ELFN1: variants seen among roughly 807,000 people sequenced by gnomAD.
The protein encoded by ELFN1 is protein ELFN1.
Under a neutral mutation model 7.6 loss-of-function variants are expected in ELFN1, and 6 were observed. The observed-to-expected ratio is 0.79, with a 90% CI of 0.43 to 1.56. ELFN1 has a LOEUF of 1.56. ELFN1 is among the 40% of genes most tolerant of loss of function. The probability of loss-of-function intolerance (pLI) is 0.01; values close to 1 mark genes in which losing one functional copy is unlikely to be tolerated. For synonymous variants in ELFN1, 657 were observed against 588.1 expected, an observed-to-expected ratio of 1.12 and a Z score of -1.70; for missense variants, 1,169 against 1,232.2, an observed-to-expected ratio of 0.95 and a Z score of 0.77.
At chr7:1,701,100 T>C (rs138237971) in intron 2 of ELFN1, among the ~76,000 whole-genome samples, 27 of 151,860 alleles carry the variant, frequency 1.8e-4, no homozygotes, top group Non-Finnish European at 3.1e-4. Context: ...CGCGTGTGTG[T>C]GCGCATATGT....
chr7:1,672,051 C>G (rs975662407), intron 1 of ELFN1, among the ~76,000 whole-genome samples: 1 of 152,194 alleles, frequency 6.6e-6, no homozygotes, highest in Non-Finnish European at 1.5e-5. Flanking sequence ...CTGTGCAGCC[C>G]CCTCCTCCTC....
chr7:1,728,780 TG>T (rs2128597418), intron 3 of ELFN1, among the ~76,000 whole-genome samples: 1 of 152,170 alleles, frequency 6.6e-6, no homozygotes, highest in Admixed American at 6.5e-5. Flanking sequence ...AGGAACTGAG[TG>T]GGAGGATCCA....
At position 1,688,402 on chromosome 7, in the gene ELFN1, T is replaced by A. The variant is rs1779097433; in HGVS notation, c.-456+252T>A. Among the ~76,000 whole-genome samples, 3 of 152,320 alleles carry A rather than the reference T, an allele frequency of 2.0e-5. No individual in the cohort carries two copies. The South Asian group carries it at 6.2e-4, about 32-fold the overall frequency. On this transcript the variant is annotated intron_variant, in intron 2 of 3. Coordinates refer to ENST00000424383, the MANE Select transcript of ELFN1 (RefSeq NM_001128636.4). Reference sequence around the variant, plus strand: ...TGTTAGCTTATAAAGAAATCTTTTCTCACCTTAAGTTCTTGAAGATGCTCT... The same window carrying A: ...TGTTAGCTTATAAAGAAATCTTTTCACACCTTAAGTTCTTGAAGATGCTCT...
chr7:1,745,925 G>T lies in ELFN1; in HGVS notation c.1329G>T (p.Arg443=), dbSNP rs1277734448. 3 of 1,566,012 alleles carry T rather than the reference G, an allele frequency of 1.9e-6. No homozygotes were observed. The highest frequency in any genetic ancestry group is 2.6e-6 in the Non-Finnish European group (3 of 1,157,564). Residue 443 remains arginine, a synonymous_variant, in exon 4 of 4, where the codon CGG becomes CGT. Transcript: ENST00000424383. ...CCGTCTACTACTGCCTGCGCAGGCGGCGGCGCCAGGAGGAGAAGCACAAGA... is the reference window on the plus strand; with the variant it reads ...CCGTCTACTACTGCCTGCGCAGGCGTCGGCGCCAGGAGGAGAAGCACAAGA... ...LGAVYYCLRR[R]RRQEEKHKKA...
At chr7:1,688,424 C>T (rs1779097676) in intron 2 of ELFN1, among the ~76,000 whole-genome samples, 1 of 152,054 alleles carries the variant, frequency 6.6e-6, no homozygotes, top group African/African-American at 2.4e-5. Flanking sequence ...CTTGAAGATG[C>T]TCTTCTATGT....
At position 1,737,785 on chromosome 7, in the gene ELFN1, C is replaced by T. The variant is rs1047491366; in HGVS notation, c.-293-6519C>T. ...CTGTTTCCAGAGGCCACTGGTGGTTCCTGCCCCTTCTCCACCCTCCAGACA... is the reference window on the plus strand; with the variant it reads ...CTGTTTCCAGAGGCCACTGGTGGTTTCTGCCCCTTCTCCACCCTCCAGACA... On this transcript the variant is annotated intron_variant, in intron 3 of 3. Transcript: ENST00000424383. 2.0e-5 allele frequency among the ~76,000 whole-genome samples: 3 copies of T among 152,176 alleles called. 1 individual carries two copies. The highest frequency in any genetic ancestry group is 1.5e-5 in the Non-Finnish European group (1 of 68,026).
At chr7:1,720,276 A>G (rs1051250613) in intron 3 of ELFN1, among the ~76,000 whole-genome samples, 2 of 152,190 alleles carry the variant, frequency 1.3e-5, no homozygotes, top group Non-Finnish European at 2.9e-5. Flanking sequence ...TGGGAAGACG[A>G]AGATGGGAAC....
chr7:1,693,960 C>G, intron 2 of ELFN1: 1 of 385,090 alleles, frequency 2.6e-6, no homozygotes, highest in South Asian at 1.9e-5. Context: ...GGCTGTGATT[C>G]TTGCAGGGCG....
intron 3 of ELFN1, among the ~76,000 whole-genome samples, chr7:1,725,450 C>T (rs1291105218): frequency 1.1e-4 from 12 of 108,592 alleles, no homozygotes; most frequent in Admixed American, 3.5e-4. Context: ...GCGAGACAGA[C>T]GGGAGGGAGG....
chr7:1,724,151 G>T (rs949064531), intron 3 of ELFN1, among the ~76,000 whole-genome samples: 1 of 152,206 alleles, frequency 6.6e-6, no homozygotes, highest in Non-Finnish European at 1.5e-5. Flanking sequence ...GTTACCATAA[G>T]TATCCAACAT....
At chr7:1,728,235 C>T (rs1395023875) in intron 3 of ELFN1, among the ~76,000 whole-genome samples, 2 of 152,240 alleles carry the variant, frequency 1.3e-5, no homozygotes, top group African/African-American at 4.8e-5. Flanking sequence ...GTGACTCCTG[C>T]TCCCCATCCC....
At chr7:1,704,071 G>T (rs757086977) in intron 2 of ELFN1, among the ~76,000 whole-genome samples, 22 of 152,200 alleles carry the variant, frequency 1.4e-4, no homozygotes, top group South Asian at 8.3e-4. Flanking sequence ...CCACCTCCTC[G>T]TGGGGCTGGA....
rs888589264 is a variant in ELFN1 at position 1,740,679 on chromosome 7, C to G, written c.-293-3625C>G. ...TTGGGGACTCCTGGACCCGGGCCAC[C>G]CCCCGAACCCCTCCTAGCACAGCAC... On this transcript the variant is annotated intron_variant, in intron 3 of 3. Coordinates refer to ENST00000424383, the MANE Select transcript of ELFN1 (RefSeq NM_001128636.4). This position sits in a 1 kb window ranked among gnomAD's most constrained non-coding sequence, Gnocchi z 5.0. Among the ~76,000 whole-genome samples the G allele has an allele frequency of 6.6e-6, 1 of 152,142 alleles. No individual in the cohort carries two copies. The highest frequency in any genetic ancestry group is 1.5e-5 in the Non-Finnish European group (1 of 68,004).
intron 2 of ELFN1, among the ~76,000 whole-genome samples, chr7:1,689,639 T>TA (rs1292925393): frequency 1.3e-5 from 2 of 152,212 alleles, no homozygotes; most frequent in Non-Finnish European, 2.9e-5. Context: ...TCCTTATTTT[T>TA]AATCATGTTG....
intron 3 of ELFN1, among the ~76,000 whole-genome samples, chr7:1,724,808 G>A (rs1308851551): frequency 6.6e-6 from 1 of 152,160 alleles, no homozygotes; most frequent in Non-Finnish European, 1.5e-5. Flanking sequence ...TCAAGGTCAA[G>A]GTTACCTGTG....
At chr7:1,738,415 T>C (rs1328231246) in intron 3 of ELFN1, among the ~76,000 whole-genome samples, 2 of 151,800 alleles carry the variant, frequency 1.3e-5, no homozygotes, top group Non-Finnish European at 2.9e-5. Flanking sequence ...CCTGAGGGGG[T>C]AACAGGGAAG....
At chr7:1,724,868 G>A (rs1371649183) in intron 3 of ELFN1, among the ~76,000 whole-genome samples, 1 of 152,180 alleles carries the variant, frequency 6.6e-6, no homozygotes, top group Non-Finnish European at 1.5e-5. Context: ...TTTGGCCTGT[G>A]TCAGCCTCTT....
At chr7:1,677,173 C>A (rs1778887635) in intron 1 of ELFN1, among the ~76,000 whole-genome samples, 1 of 152,212 alleles carries the variant, frequency 6.6e-6, no homozygotes, top group South Asian at 2.1e-4. Context: ...GGAGGCCGTC[C>A]TGTGGAGAGG....
rs902005739 is a variant in ELFN1 at position 1,747,264 on chromosome 7, G to A, written c.*181G>A. 52 of 633,158 alleles carry A rather than the reference G, an allele frequency of 8.2e-5. No homozygotes were observed. The highest frequency in any genetic ancestry group is 1.7e-4 in the East Asian group (5 of 29,928). The allele number at this position is 633,158 out of a possible 1,614,324, so 39.2% of individuals were successfully genotyped here. A position where few individuals can be genotyped will look rare whatever the true frequency, so the allele number is the denominator to read the frequency against. The stretch of plus-strand genomic sequence containing the variant: ...GGACACGTCCCGAGCTCCTGTGGCC[G>A]GTCCTGGGATGCGCTTGTCGCCCCG... On this transcript the variant is annotated 3_prime_UTR_variant, in exon 4 of 4. Coordinates refer to ENST00000424383, the MANE Select transcript of ELFN1 (RefSeq NM_001128636.4).
Sources: allele counts gnomAD v4.1 joint callset (sites outside exome capture counted in the v4.1 genomes callset), GRCh38; gene constraint gnomAD v4.1.1; non-coding constraint Gnocchi (gnomAD v3.1); transcripts MANE v1.5; gene names NCBI Gene and HGNC (gene_info 2026-07-23, HGNC 2026-07-21).